The following DYNC2H1 variants were observed in gnomAD, a reference collection of about 807,000 sequenced individuals.
DYNC2H1 encodes dynein cytoplasmic 2 heavy chain 1.
In DYNC2H1, 410 loss-of-function variants were observed where a neutral mutation model predicts 570.0. The observed-to-expected ratio is 0.72, with a 90% CI of 0.66 to 0.78. DYNC2H1 has a LOEUF of 0.78. Ranked by LOEUF, DYNC2H1 falls within the 30% of genes least tolerant of loss-of-function variation. DYNC2H1 has a pLI of 0.00. For missense variants in DYNC2H1, 4,865 were observed against 5,046.4 expected, an observed-to-expected ratio of 0.96 and a Z score of 1.09; for synonymous variants, 1,688 against 1,677.6, an observed-to-expected ratio of 1.01 and a Z score of -0.15.
intron 88 of DYNC2H1, among the ~76,000 whole-genome samples, chr11:103,470,233 G>A (rs1213253667): frequency 6.6e-6 from 1 of 152,144 alleles, no homozygotes; most frequent in Admixed American, 6.5e-5. Flanking sequence ...ACTAGGAATT[G>A]ATAGCTTGGC....
intron 82 of DYNC2H1, among the ~76,000 whole-genome samples, chr11:103,356,021 C>T (rs2671336): frequency 0.55 from 83,356 of 151,982 alleles, 24,727 homozygotes; most frequent in Admixed American, 0.66. Context: ...CTTTGCAATT[C>T]TTATAGATCT....
At chr11:103,192,696 T>G (rs118035712) in intron 47 of DYNC2H1, among the ~76,000 whole-genome samples, 1 of 152,326 alleles carries the variant, frequency 6.6e-6, no homozygotes, top group Non-Finnish European at 1.5e-5. Context: ...ACCATCTTCA[T>G]CTATTGTTAT....
rs530609766 is a variant in DYNC2H1, at chr11:103,415,352, C to G, written c.12366+15480C>G. Among the ~76,000 whole-genome samples the G allele has an allele frequency of 2.5e-3, 385 of 152,106 alleles. 1 individual carries two copies. Among genetic ancestry groups the G allele is most frequent in the African/African-American group, 8.7e-3 (359 of 41,500 alleles). The stretch of plus-strand genomic sequence containing the variant: ...AATTAAACTAAAGAGCTTCTGCACA[C>G]CAAAAGAAACTACCATCAGAGTGAA... On this transcript the variant is annotated intron_variant, in intron 84 of 88. Coordinates refer to ENST00000375735, the MANE Select transcript of DYNC2H1 (RefSeq NM_001377.3).
chr11:103,398,583 G>C (rs888647461), intron 83 of DYNC2H1, among the ~76,000 whole-genome samples: 4 of 151,988 alleles, frequency 2.6e-5, no homozygotes, highest in Admixed American at 6.6e-5. Flanking sequence ...TGAGGAGAAG[G>C]GATCCTTAAT....
intron 60 of DYNC2H1, among the ~76,000 whole-genome samples, chr11:103,231,876 C>G (rs1864025460): frequency 6.6e-6 from 1 of 151,772 alleles, no homozygotes; most frequent in Non-Finnish European, 1.5e-5. Flanking sequence ...GTGTGTTTCT[C>G]TCTCCCCCTC....
chr11:103,270,497 A>T (rs567633072), intron 70 of DYNC2H1, among the ~76,000 whole-genome samples: 1 of 151,640 alleles, frequency 6.6e-6, no homozygotes, highest in Non-Finnish European at 1.5e-5. Context: ...TTGTAACAAT[A>T]GTGAAATAGA....
At position 103,116,670 on chromosome 11, in the gene DYNC2H1, A is replaced by G. The variant is rs183159969; in HGVS notation, c.722A>G (p.Asp241Gly). Reference protein sequence around the residue: ...VDDVWRQTEHDHYPESRMLHL... With the variant: ...VDDVWRQTEHGHYPESRMLHL... ...GATGTGTGGAGACAAACAGAACATG[A>G]TCATTATCCTGAGTCACGAATGTTG... Residue 241 changes from aspartate (D) to glycine (G), a missense_variant, in exon 5 of 89, where the codon GAT (aspartate) becomes GGT (glycine). Transcript: ENST00000375735. 1 of 1,607,158 alleles carries G rather than the reference A, an allele frequency of 6.2e-7. No individual in the cohort carries two copies. The highest frequency in any genetic ancestry group is 1.7e-5 in the Admixed American group (1 of 59,578).
chr11:103,434,439 T>TA (rs529227073), intron 84 of DYNC2H1, among the ~76,000 whole-genome samples: 6,990 of 137,880 alleles, frequency 0.051, 195 homozygotes, highest in Non-Finnish European at 0.074. Context: ...TTTTTTTTTT[T>TA]AAGTCCTCAA....
intron 82 of DYNC2H1, among the ~76,000 whole-genome samples, chr11:103,354,732 A>G (rs1308528256): frequency 1.3e-5 from 2 of 151,800 alleles, no homozygotes; most frequent in African/African-American, 2.4e-5. Flanking sequence ...TTTTGTCAAC[A>G]TGTTTTGCCT....
Position 103,145,975 on chromosome 11 carries a change from TA to T in DYNC2H1, c.2703-1795del, listed in dbSNP as rs997926482. ...TTCATTAGCAAAATACAGTATAATATAACCTTTTAGGTTTACCAAAATCACA... is the reference window on the plus strand; with the variant it reads ...TTCATTAGCAAAATACAGTATAATATACCTTTTAGGTTTACCAAAATCACA... On this transcript the variant is annotated intron_variant, in intron 18 of 88. Transcript: ENST00000375735. The surrounding 1 kb of genome is among the most constrained non-coding windows in gnomAD (Gnocchi z 4.2). 6.6e-6 allele frequency among the ~76,000 whole-genome samples: 1 copy of T among 152,194 alleles called. No individual in the cohort carries two copies. The highest frequency in any genetic ancestry group is 1.5e-5 in the Non-Finnish European group (1 of 68,008).
At chr11:103,282,901 G>T (rs1866197200) in intron 72 of DYNC2H1, 107 bp from the exon 73 acceptor site, 1 of 759,694 alleles carries the variant, frequency 1.3e-6, no homozygotes, top group Non-Finnish European at 2.1e-6. Context: ...AAGAAATAAT[G>T]CATAGAATGA....
rs786204223 is a variant in DYNC2H1, at chr11:103,255,445, C to T, written c.10237C>T (p.Pro3413Ser). The change falls in exon 67 of 89, where the codon CCT becomes TCT. Residue 3413 changes from proline to serine, a missense_variant. By Grantham distance (74) the Pro-to-Ser change is moderately conservative. Coordinates refer to ENST00000375735, the MANE Select transcript of DYNC2H1 (RefSeq NM_001377.3). ...AGCTTTAACCATTCAGCATGAGAAA[C>T]CTGATTTAGAAGAACAGAAAACAAA... ...LLALTIQHEKPDLEEQKTKLL... is the reference protein window; with the variant it reads ...LLALTIQHEKSDLEEQKTKLL... 1 of 1,567,258 alleles carries T rather than the reference C, an allele frequency of 6.4e-7. No individual in the cohort carries two copies. Among genetic ancestry groups the T allele is most frequent in the East Asian group, 2.3e-5 (1 of 42,810 alleles).
intron 84 of DYNC2H1, among the ~76,000 whole-genome samples, chr11:103,424,912 A>G (rs1943614250): frequency 6.6e-6 from 1 of 152,098 alleles, no homozygotes; most frequent in African/African-American, 2.4e-5. Context: ...CTTATATCCA[A>G]TAGACATAAT....
chr11:103,253,569 A>G (rs1434149474), intron 66 of DYNC2H1, 121 bp downstream of exon 66: 1 of 990,456 alleles, frequency 1.0e-6, no homozygotes, highest in Non-Finnish European at 1.4e-6. Context: ...GATTTTGAAA[A>G]TAATACTTGT....
At chr11:103,114,642 G>C (rs1034179422) in intron 3 of DYNC2H1, among the ~76,000 whole-genome samples, 7 of 152,168 alleles carry the variant, frequency 4.6e-5, no homozygotes, top group Admixed American at 2.6e-4. Flanking sequence ...CACTGAATTA[G>C]TGAATATTGA....
chr11:103,153,693 A>G (rs912967839), intron 22 of DYNC2H1, among the ~76,000 whole-genome samples, 185 bp downstream of exon 22: 2 of 152,032 alleles, frequency 1.3e-5, no homozygotes, highest in Non-Finnish European at 2.9e-5. Context: ...ATATAAGGAT[A>G]TTAAGAGAAA....
chr11:103,220,692 C>T lies in DYNC2H1; in HGVS notation c.9016C>T (p.Leu3006=). ...CGAATCACTTTCAGAAATTCGCTCA[C>T]TACGCATGCCACCTGATGTAATTAG... ...KPESLSEIRS[L]RMPPDVIRDI... The change falls in exon 57 of 89, where the codon CTA becomes TTA. Residue 3006 remains leucine, a synonymous_variant. Coordinates refer to ENST00000375735, the MANE Select transcript of DYNC2H1 (RefSeq NM_001377.3). 5.0e-6 allele frequency: 8 copies of T among 1,613,068 alleles called. No individual in the cohort carries two copies. Among genetic ancestry groups the T allele is most frequent in the Non-Finnish European group, 6.8e-6 (8 of 1,179,288 alleles).
At position 103,465,800 on chromosome 11, in the gene DYNC2H1, A is replaced by G. The variant is rs12417492; in HGVS notation, c.12649-2789A>G. On this transcript the variant is annotated intron_variant, in intron 87 of 88. Transcript: ENST00000375735. This position sits in a 1 kb window ranked among gnomAD's most constrained non-coding sequence, Gnocchi z 4.9. Reference sequence around the variant, plus strand: ...GAGAGCTTCCTTATATGGTGGTTTCAGTGCAGCATTTCTAGAAGGCAGAGC... The same window carrying G: ...GAGAGCTTCCTTATATGGTGGTTTCGGTGCAGCATTTCTAGAAGGCAGAGC... 0.15 allele frequency among the ~76,000 whole-genome samples: 22,195 copies of G among 152,100 alleles called. 1,813 individuals carry two copies. The highest frequency in any genetic ancestry group is 0.24 in the Admixed American group (3,627 of 15,270).
At chr11:103,220,550 CAT>C in intron 56 of DYNC2H1, 71 bp from the exon 57 acceptor site, 1 of 1,403,494 alleles carries the variant, frequency 7.1e-7, no homozygotes, top group Admixed American at 2.3e-5. Context: ...GACAATAAAA[CAT>C]AATTTTTCAA....
Sources: gnomAD v4.1 joint callset for allele counts (sites outside exome capture counted in the v4.1 genomes callset) on GRCh38, gnomAD v4.1.1 for gene constraint, Gnocchi (gnomAD v3.1) non-coding constraint, MANE v1.5 for transcripts, NCBI Gene and HGNC (gene_info 2026-07-23, HGNC 2026-07-21) for gene names.